TAFA2: variants seen among roughly 807,000 people sequenced by gnomAD.
The protein encoded by TAFA2 is chemokine-like protein TAFA-2.
Under a neutral mutation model 18.8 loss-of-function variants are expected in TAFA2, and 7 were observed. That is an observed-to-expected ratio of 0.37 (90% CI 0.21 to 0.70). TAFA2 has a LOEUF of 0.70. Among genes scored for constraint, TAFA2 ranks in the 30% least tolerant of loss-of-function variants. TAFA2 has a pLI of 0.53. For synonymous variants in TAFA2, 60 were observed against 54.2 expected (o/e 1.11, Z -0.47); for missense variants, 122 against 158.1 (o/e 0.77, Z 1.23).
chr12:61,866,139 AAT>A (rs201530990), intron 2 of TAFA2, among the ~76,000 whole-genome samples: 3,051 of 152,168 alleles, frequency 0.02, 83 homozygotes, highest in African/African-American at 0.068. Context: ...AAAATATATG[AAT>A]ATATATATTC....
At chr12:61,757,223 A>G (rs1869313788) in intron 2 of TAFA2, among the ~76,000 whole-genome samples, 1 of 152,074 alleles carries the variant, frequency 6.6e-6, no homozygotes. Flanking sequence ...ACAACAGCAG[A>G]GATGGGGAGA....
chr12:61,740,801 G>A (rs1868409418), intron 4 of TAFA2, among the ~76,000 whole-genome samples: 1 of 151,214 alleles, frequency 6.6e-6, no homozygotes, highest in Non-Finnish European at 1.5e-5. Context: ...ATCCTTTATT[G>A]ACTTTAGGCT....
chr12:62,072,456 G>A (rs1017919523), intron 1 of TAFA2, among the ~76,000 whole-genome samples: 30 of 151,350 alleles, frequency 2.0e-4, no homozygotes, highest in Admixed American at 1.8e-3. Flanking sequence ...GTGACAGAGC[G>A]AGACTCCATC....
At chr12:62,093,646 C>T (rs551558857) in intron 1 of TAFA2, among the ~76,000 whole-genome samples, 3 of 152,004 alleles carry the variant, frequency 2.0e-5, no homozygotes, top group Admixed American at 6.6e-5. Flanking sequence ...AAAGCTGCCC[C>T]ACATTCCAGT....
At chr12:61,951,625 G>A (rs1291484502) in intron 1 of TAFA2, among the ~76,000 whole-genome samples, 2 of 151,954 alleles carry the variant, frequency 1.3e-5, no homozygotes, top group African/African-American at 2.4e-5. Context: ...GAAAGGACAT[G>A]AAGGGCATAG....
At chr12:61,811,130 C>T (rs191833254) in intron 2 of TAFA2, among the ~76,000 whole-genome samples, 28 of 151,184 alleles carry the variant, frequency 1.9e-4, no homozygotes, top group Middle Eastern at 3.4e-3. Flanking sequence ...AGTTTTTAAA[C>T]GGCAATGTCC....
chr12:61,993,061 AACT>A (rs1880062522), intron 1 of TAFA2, among the ~76,000 whole-genome samples: 1 of 152,174 alleles, frequency 6.6e-6, no homozygotes, highest in South Asian at 2.1e-4. Flanking sequence ...CACAGCTAGA[AACT>A]GGCCACGCTG....
At chr12:62,224,177 G>A (rs191854950) in intron 1 of TAFA2, among the ~76,000 whole-genome samples, 2 of 151,730 alleles carry the variant, frequency 1.3e-5, no homozygotes, top group East Asian at 3.9e-4. Context: ...GCTAAAACAT[G>A]GAGGAGGTTT....
At chr12:61,955,719 G>T (rs1177813394) in intron 1 of TAFA2, among the ~76,000 whole-genome samples, 1 of 138,094 alleles carries the variant, frequency 7.2e-6, no homozygotes, top group Non-Finnish European at 1.5e-5. Flanking sequence ...TCACAAGGAG[G>T]GGTATGTTTT....
At chr12:61,995,940 G>T (rs1880171472) in intron 1 of TAFA2, among the ~76,000 whole-genome samples, 1 of 152,072 alleles carries the variant, frequency 6.6e-6, no homozygotes, top group Admixed American at 6.5e-5. Context: ...GGGGTGAATT[G>T]TATGGTATGT....
intron 1 of TAFA2, among the ~76,000 whole-genome samples, chr12:62,115,102 T>C (rs1212205685): frequency 6.6e-6 from 1 of 152,210 alleles, no homozygotes; most frequent in Non-Finnish European, 1.5e-5. Flanking sequence ...ATTTCTTCCC[T>C]ATAATTTGTC....
At chr12:61,800,820 G>A (rs937170775) in intron 2 of TAFA2, among the ~76,000 whole-genome samples, 4 of 152,132 alleles carry the variant, frequency 2.6e-5, no homozygotes, top group African/African-American at 9.7e-5. Flanking sequence ...AGAAAGCTAA[G>A]GAGGACCTTT....
intron 1 of TAFA2, among the ~76,000 whole-genome samples, chr12:62,073,279 A>G (rs999212756): frequency 2.0e-5 from 3 of 152,222 alleles, no homozygotes; most frequent in Non-Finnish European, 4.4e-5. Flanking sequence ...CACACATTTT[A>G]CATATCTTGT....
intron 1 of TAFA2, among the ~76,000 whole-genome samples, chr12:62,177,928 C>T (rs997278206): frequency 5.3e-5 from 8 of 152,154 alleles, no homozygotes; most frequent in Admixed American, 4.6e-4. Context: ...TCACTGGCTT[C>T]CTACTCTCCC....
chr12:61,868,375 A>G (rs1487269424), intron 1 of TAFA2, among the ~76,000 whole-genome samples: 1 of 152,152 alleles, frequency 6.6e-6, no homozygotes, highest in Non-Finnish European at 1.5e-5. Flanking sequence ...TATGAAATCA[A>G]GTCCATCTCC....
intron 2 of TAFA2, among the ~76,000 whole-genome samples, chr12:61,761,939 T>C (rs73324032): frequency 0.018 from 2,745 of 152,112 alleles, 78 homozygotes; most frequent in African/African-American, 0.062. Flanking sequence ...GTCCTGTTCT[T>C]GTGAAAGAAA....
rs1555171604 is a variant in TAFA2, at chr12:61,867,306, A to AC, written c.106+13dup. The AC allele has an allele frequency of 8.5e-6, 13 of 1,528,618 alleles. No individual in the cohort carries two copies. Among genetic ancestry groups the AC allele is most frequent in the South Asian group, 1.2e-5 (1 of 83,734 alleles). The allele number at this position is 1,528,618 out of a possible 1,614,324, so 94.7% of individuals were successfully genotyped here. ...CATCCACATTTAGTTGAAAAAAAAAACAGAAAAGCTTACCTTTATGATGGT... is the reference window on the plus strand; with the variant it reads ...CATCCACATTTAGTTGAAAAAAAAAACCAGAAAAGCTTACCTTTATGATGGT... On this transcript the variant is annotated intron_variant, in intron 2 of 4. Coordinates refer to ENST00000416284, the MANE Select transcript of TAFA2 (RefSeq NM_178539.5).
At chr12:62,011,432 T>C (rs1880762148) in intron 1 of TAFA2, among the ~76,000 whole-genome samples, 1 of 152,206 alleles carries the variant, frequency 6.6e-6, no homozygotes, top group African/African-American at 2.4e-5. Flanking sequence ...GGGATGCTGT[T>C]AATCTATAAC....
intron 1 of TAFA2, among the ~76,000 whole-genome samples, chr12:62,141,766 A>T (rs1045433855): frequency 2.0e-5 from 3 of 152,232 alleles, no homozygotes; most frequent in Admixed American, 1.3e-4. Context: ...ACTATTTTAT[A>T]TAGTTAGTTC....
Sources: allele counts gnomAD v4.1 joint callset (sites outside exome capture counted in the v4.1 genomes callset), GRCh38; gene constraint gnomAD v4.1.1; transcripts MANE v1.5; gene names NCBI Gene and HGNC (gene_info 2026-07-23, HGNC 2026-07-21).